Variants in SHROOM4 observed in about 807,000 individuals in gnomAD.
SHROOM4 encodes shroom family member 4.
Under a neutral mutation model 80.3 loss-of-function variants are expected in SHROOM4, and 17 were observed. That is an observed-to-expected ratio of 0.21 (90% CI 0.14 to 0.32). The LOEUF is 0.32. SHROOM4 is among the 10% of genes least tolerant of loss of function. SHROOM4 has a pLI of 1.00. For missense variants in SHROOM4, 993 were observed against 1,140.3 expected, an observed-to-expected ratio of 0.87 and a Z score of 1.86; for synonymous variants, 400 against 437.5, an observed-to-expected ratio of 0.91 and a Z score of 1.07.
intron 1 of SHROOM4, among the ~76,000 whole-genome samples, chrX:50,771,746 A>T (rs2147653524): frequency 8.9e-6 from 1 of 112,567 alleles, no homozygotes; most frequent in Non-Finnish European, 1.9e-5. Context: ...ATCTCTTAGT[A>T]AAATAATCAG....
chrX:50,690,947 A>C (rs1933203973), intron 2 of SHROOM4, among the ~76,000 whole-genome samples: 2 of 112,958 alleles, frequency 1.8e-5, no homozygotes, highest in Admixed American at 1.9e-4. Flanking sequence ...AGCCTGGGCA[A>C]CAAAGCAAGA....
At chrX:50,799,246 T>C (rs782447118) in intron 1 of SHROOM4, among the ~76,000 whole-genome samples, 1 of 113,057 alleles carries the variant, frequency 8.8e-6, no homozygotes, top group South Asian at 3.6e-4. Flanking sequence ...TCTCAGTTTG[T>C]TTGTACTCCT....
chrX:50,729,011 G>A (rs1410692131), intron 1 of SHROOM4, among the ~76,000 whole-genome samples: 2 of 110,340 alleles, frequency 1.8e-5, no homozygotes, highest in African/African-American at 3.3e-5. Flanking sequence ...CAAAAATTGG[G>A]GGTGGGGGTG....
chrX:50,794,854 C>T (rs1935927812), intron 1 of SHROOM4, among the ~76,000 whole-genome samples: 2 of 101,969 alleles, frequency 2.0e-5, no homozygotes, highest in South Asian at 4.4e-4. Context: ...TAATATTGTT[C>T]CTCATTTGGC....
intron 2 of SHROOM4, among the ~76,000 whole-genome samples, chrX:50,657,994 G>A (rs1932369629): frequency 9.0e-6 from 1 of 111,634 alleles, no homozygotes; most frequent in Admixed American, 9.5e-5. Context: ...AGGGTTTGAG[G>A]AAGAGTTTGC....
chrX:50,583,169 T>C (rs1928695342), downstream of SHROOM4, among the ~76,000 whole-genome samples: 2 of 110,284 alleles, frequency 1.8e-5, no homozygotes, highest in South Asian at 4.0e-4. Context: ...GTAGCCTAGG[T>C]GATCACCTGA....
At chrX:50,651,965 C>T (rs1393583946) in intron 2 of SHROOM4, among the ~76,000 whole-genome samples, 1 of 111,625 alleles carries the variant, frequency 9.0e-6, no homozygotes, top group Non-Finnish European at 1.9e-5. Context: ...GCCATATTTT[C>T]TTTATCCAGT....
rs1363295605 is a variant in SHROOM4, at chrX:50,635,492, G to A, written c.581C>T (p.Ser194Leu). ...ACAGTCAGAAGCATTTGAGCTGGCC[G>A]AGAAGGAGCTGTAGGCTGAGTCACG... Reference protein sequence around the residue: ...NQRDSAYSSFSASSNASDCAL... With the variant: ...NQRDSAYSSFLASSNASDCAL... Residue 194 changes from serine to leucine, a missense_variant, in exon 4 of 9, where the codon TCG becomes TTG. By Grantham distance (145) the Ser-to-Leu change is moderately radical. Coordinates refer to ENST00000376020, the MANE Select transcript of SHROOM4 (RefSeq NM_020717.5). The A allele has an allele frequency of 8.3e-7, 1 of 1,211,174 alleles. No individual in the cohort carries two copies. The highest frequency in any genetic ancestry group is 1.7e-5 in the African/African-American group (1 of 57,834).
At chrX:50,771,028 G>T (rs1439336840) in intron 1 of SHROOM4, among the ~76,000 whole-genome samples, 3 of 111,736 alleles carry the variant, frequency 2.7e-5, no homozygotes, top group Non-Finnish European at 3.8e-5. Flanking sequence ...CAGAGGAGTG[G>T]GTAGGTCAGT....
chrX:50,734,883 C>T (rs1381462917), intron 1 of SHROOM4, among the ~76,000 whole-genome samples: 3 of 110,747 alleles, frequency 2.7e-5, no homozygotes, highest in African/African-American at 9.9e-5. Flanking sequence ...TTGCTTGGCT[C>T]TCATTCTCTC....
chrX:50,739,317 T>C (rs1346642659), intron 1 of SHROOM4, among the ~76,000 whole-genome samples: 4 of 111,080 alleles, frequency 3.6e-5, no homozygotes, highest in East Asian at 2.8e-4. Flanking sequence ...CAACAAAAGC[T>C]AAAATTGACA....
At chrX:50,647,706 G>T (rs781999663) in intron 2 of SHROOM4, among the ~76,000 whole-genome samples, 1 of 111,721 alleles carries the variant, frequency 9.0e-6, no homozygotes, top group Admixed American at 9.5e-5. Context: ...ATCCATAAAG[G>T]TTTTCCCCAG....
At chrX:50,790,487 C>G (rs994594152) in intron 1 of SHROOM4, among the ~76,000 whole-genome samples, 1 of 110,931 alleles carries the variant, frequency 9.0e-6, no homozygotes, top group Non-Finnish European at 1.9e-5. Flanking sequence ...GATAAGGACA[C>G]TACAAAAAAA....
rs1314547460 is a variant in SHROOM4, at chrX:50,595,664, G to A, written c.*1031C>T. The A allele has an allele frequency of 4.6e-5, 12 of 261,672 alleles. No homozygotes were observed. 21.6% of individuals were successfully genotyped at this position (261,672 alleles called of 1,213,427 possible). ...TCCTTCCTAGACATCGGTAGCTATG[G>A]TGGGAACAATTCAACGCCTTGGCAC... On this transcript the variant is annotated 3_prime_UTR_variant, in exon 9 of 9. Coordinates refer to ENST00000376020, the MANE Select transcript of SHROOM4 (RefSeq NM_020717.5).
intron 1 of SHROOM4, among the ~76,000 whole-genome samples, chrX:50,757,304 T>TAA (rs1181053966): frequency 8.9e-6 from 1 of 112,225 alleles, no homozygotes; most frequent in African/African-American, 3.2e-5. Context: ...ATCACACATG[T>TAA]AAAGGCTTAT....
intron 1 of SHROOM4, among the ~76,000 whole-genome samples, chrX:50,703,899 T>C (rs2147474674): frequency 8.9e-6 from 1 of 112,192 alleles, no homozygotes; most frequent in Admixed American, 9.5e-5. Context: ...TAATAAGATA[T>C]GACTTTCAGT....
At chrX:50,663,971 T>C (rs1932604907) in intron 2 of SHROOM4, among the ~76,000 whole-genome samples, 1 of 112,362 alleles carries the variant, frequency 8.9e-6, no homozygotes, top group Non-Finnish European at 1.9e-5. Flanking sequence ...AATTGTATCA[T>C]GAGACCTTGC....
In SHROOM4 at chrX:50,595,694, T is replaced by A; in HGVS notation, c.*1001A>T. 3.7e-6 allele frequency: 1 copy of A among 270,356 alleles called. No homozygotes were observed. Among genetic ancestry groups the A allele is most frequent in the Non-Finnish European group, 6.8e-6 (1 of 146,159 alleles). 22.3% of individuals were successfully genotyped at this position (270,356 alleles called of 1,213,427 possible). A position where few individuals can be genotyped will look rare whatever the true frequency, so the allele number is the denominator to read the frequency against. On this transcript the variant is annotated 3_prime_UTR_variant, in exon 9 of 9. Transcript: ENST00000376020. ...AACAATTCAACGCCTTGGCACTTGC[T>A]TACCTAGCCACGGTGGATTCAGGCT...
the SHROOM4 span, among the ~76,000 whole-genome samples, chrX:50,577,552 A>T: frequency 8.9e-5 from 10 of 112,346 alleles, no homozygotes; most frequent in African/African-American, 3.2e-4. Context: ...TAGTGGCTTC[A>T]ATCTGCATAG....
Sources: gnomAD v4.1 joint callset for allele counts (sites outside exome capture counted in the v4.1 genomes callset) on GRCh38, gnomAD v4.1.1 for gene constraint, MANE v1.5 for transcripts, NCBI Gene and HGNC (gene_info 2026-07-23, HGNC 2026-07-21) for gene names.